Variants in ATP8B3 observed in about 807,000 individuals in gnomAD.
The protein encoded by ATP8B3 is ATPase phospholipid transporting 8B3, also known as phospholipid-transporting ATPase IK.
Under a neutral mutation model 140.9 loss-of-function variants are expected in ATP8B3, and 141 were observed. The ratio of observed to expected loss-of-function variants is 1.00; its 90% CI spans 0.87 to 1.15. The LOEUF is 1.15. Ranked by LOEUF, ATP8B3 falls within the 50% of genes most tolerant of loss-of-function variation. The pLI is 0.00. For synonymous variants in ATP8B3, 765 were observed against 714.6 expected (o/e 1.07, Z -1.13); for missense variants, 1,874 against 1,740.6 (o/e 1.08, Z -1.36).
At position 1,800,483 on chromosome 19, in the gene ATP8B3, G is replaced by A. The variant is rs2145196158; in HGVS notation, c.1153-34C>T. ...CAGACGCGACAGGGTGGGTGAGGGG[G>A]GCGGGGGTCCCCCACTCTGCCATCA... On this transcript the variant is annotated intron_variant, in intron 12 of 28. Transcript: ENST00000310127. The surrounding 1 kb of genome is among the most constrained non-coding windows in gnomAD (Gnocchi z 4.4). The A allele has an allele frequency of 6.6e-7, 1 of 1,513,798 alleles. No homozygotes were observed. Among genetic ancestry groups the A allele is most frequent in the Non-Finnish European group, 9.1e-7 (1 of 1,097,666 alleles). The allele number at this position is 1,513,798 out of a possible 1,614,324, so 93.8% of individuals were successfully genotyped here. A position where few individuals can be genotyped will look rare whatever the true frequency, so the allele number is the denominator to read the frequency against.
intron 10 of ATP8B3, among the ~76,000 whole-genome samples, chr19:1,803,159 C>T (rs2068905905): frequency 6.6e-6 from 1 of 152,136 alleles, no homozygotes; most frequent in South Asian, 2.1e-4. Context: ...ACCACCAGCC[C>T]CCCATTCACC....
At chr19:1,785,746 G>T (rs1354085356) in intron 25 of ATP8B3, 38 bp from the exon 26 acceptor site, 7 of 1,014,116 alleles carry the variant, frequency 6.9e-6, no homozygotes, top group East Asian at 3.8e-5. Context: ...TGGGTGGGGG[G>T]CGGGGGACAC....
At chr19:1,792,549 C>T (rs1331334115) in intron 18 of ATP8B3, among the ~76,000 whole-genome samples, 4 of 143,686 alleles carry the variant, frequency 2.8e-5, no homozygotes. Context: ...CACTGCACTC[C>T]AGCCTGGGCG....
intron 19 of ATP8B3, 69 bp downstream of exon 19, chr19:1,791,932 G>C (rs540027312): frequency 6.3e-6 from 10 of 1,591,508 alleles, no homozygotes; most frequent in Non-Finnish European, 7.7e-6. Flanking sequence ...GGGCAGGAGA[G>C]TCCCAGGGCC....
Position 1,782,347 on chromosome 19 carries a change from CA to C in ATP8B3, c.*680del. 3.4e-6 allele frequency: 1 copy of C among 297,368 alleles called. No homozygotes were observed. The allele number at this position is 297,368 out of a possible 1,614,324, so 18.4% of individuals were successfully genotyped here. A position where few individuals can be genotyped will look rare whatever the true frequency, so the allele number is the denominator to read the frequency against. On this transcript the variant is annotated 3_prime_UTR_variant, in exon 29 of 29. Coordinates refer to ENST00000310127, the MANE Select transcript of ATP8B3 (RefSeq NM_138813.4). ...AGGGCAATGACTGCTCCTCTGGGGG[CA>C]AGGATAGCTGCTCCTCCCCGGGCAC...
At chr19:1,809,833 G>C (rs2069137164) in intron 3 of ATP8B3, 99 bp from the exon 4 acceptor site, 1 of 1,123,836 alleles carries the variant, frequency 8.9e-7, no homozygotes, top group African/African-American at 1.5e-5. Flanking sequence ...TGGGACCCAG[G>C]CACTGGGGAG....
chr19:1,802,691 C>T (rs1291589598), intron 10 of ATP8B3, 46 bp from the exon 11 acceptor site: 1 of 1,575,206 alleles, frequency 6.3e-7, no homozygotes, highest in African/African-American at 1.4e-5. Flanking sequence ...TCAGGCCCTC[C>T]TCCCCAGGTT....
At chr19:1,809,234 G>A (rs1356291561) in intron 4 of ATP8B3, among the ~76,000 whole-genome samples, 1 of 151,606 alleles carries the variant, frequency 6.6e-6, no homozygotes, top group East Asian at 2.0e-4. Flanking sequence ...TGTAATCCCA[G>A]CACTTTGGGA....
At position 1,808,339 on chromosome 19, in the gene ATP8B3, G is replaced by T; in HGVS notation, c.403-4C>A. 6.2e-7 allele frequency: 1 copy of T among 1,608,978 alleles called. No individual in the cohort carries two copies. The highest frequency in any genetic ancestry group is 1.1e-5 in the South Asian group (1 of 90,656). ...TGGCCGTGCGGATGACATTGGTCTG[G>T]AACGAGAGCCGCGGGCTGCCTGGCA... On this transcript the variant is annotated splice_polypyrimidine_tract_variant and splice_region_variant and intron_variant, in intron 4 of 28. Coordinates refer to ENST00000310127, the MANE Select transcript of ATP8B3 (RefSeq NM_138813.4).
rs1303951634 is a variant in ATP8B3, at chr19:1,800,004, T to C, written c.1495A>G (p.Thr499Ala). The C allele has an allele frequency of 6.2e-7, 1 of 1,606,582 alleles. No homozygotes were observed. The highest frequency in any genetic ancestry group is 8.5e-7 in the Non-Finnish European group (1 of 1,176,798). The change falls in exon 14 of 29, where the codon ACG becomes GCG. Residue 499 changes from threonine (T) to alanine (A), a missense_variant. Coordinates refer to ENST00000310127, the MANE Select transcript of ATP8B3 (RefSeq NM_138813.4). The surrounding 1 kb of genome is among the most constrained non-coding windows in gnomAD (Gnocchi z 4.4). ...VEYIFSDKTG[T>A]LTQNILTFNK... ...AAGGTCAAGATGTTCTGCGTGAGCG[T>C]GCCCGTCTTGTCCGAGAAGATGTAT...
In ATP8B3 at chr19:1,806,908, G is replaced by A. The variant is rs1389226567; in HGVS notation, c.616-219C>T. ...ACAGGCGTGCTGCCCACCACCTAGA[G>A]TGCCTGCCAGACCACCCCCCACCAA... On this transcript the variant is annotated intron_variant, in intron 6 of 28. Coordinates refer to ENST00000310127, the MANE Select transcript of ATP8B3 (RefSeq NM_138813.4). This position sits in a 1 kb window ranked among gnomAD's most constrained non-coding sequence, Gnocchi z 5.6. Among the ~76,000 whole-genome samples, 1 of 152,086 alleles carries A rather than the reference G, an allele frequency of 6.6e-6. No individual in the cohort carries two copies. The highest frequency in any genetic ancestry group is 2.4e-5 in the African/African-American group (1 of 41,394).
At chr19:1,784,989 C>T (rs774543871) in intron 27 of ATP8B3, 43 bp from the exon 28 acceptor site, 1 of 1,575,720 alleles carries the variant, frequency 6.3e-7, no homozygotes, top group Non-Finnish European at 8.6e-7. Flanking sequence ...CCCCCAGCTC[C>T]AAGGATGCCC....
intron 25 of ATP8B3, 133 bp downstream of exon 25, chr19:1,786,970 G>A (rs1330829357): frequency 1.2e-5 from 9 of 769,506 alleles, no homozygotes; most frequent in Admixed American, 2.6e-5. Flanking sequence ...GAGAGGTACT[G>A]GACTGCACCC....
chr19:1,783,827 C>A (rs917361402), intron 28 of ATP8B3, among the ~76,000 whole-genome samples: 1 of 151,026 alleles, frequency 6.6e-6, no homozygotes, highest in African/African-American at 2.5e-5. Flanking sequence ...GTTACGTGGG[C>A]TAGTAAGTCC....
In ATP8B3 at chr19:1,784,804, C is replaced by T; in HGVS notation, c.3660+15G>A. ...AATGTACCAGATGAGGACCCCAGGC[C>T]CAGGCCCACCTCACCTTGGCACGTA... On this transcript the variant is annotated intron_variant, in intron 28 of 28. Transcript: ENST00000310127. 6.3e-7 allele frequency: 1 copy of T among 1,587,142 alleles called. No individual in the cohort carries two copies. Among genetic ancestry groups the T allele is most frequent in the Non-Finnish European group, 8.6e-7 (1 of 1,167,400 alleles).
intron 10 of ATP8B3, among the ~76,000 whole-genome samples, chr19:1,804,389 C>G (rs934200228): frequency 3.3e-5 from 5 of 152,260 alleles, no homozygotes; most frequent in African/African-American, 9.6e-5. Flanking sequence ...GCAGGTGGAT[C>G]ACAAGGTCAG....
At chr19:1,803,235 A>G (rs370624089) in intron 10 of ATP8B3, among the ~76,000 whole-genome samples, 2 of 152,076 alleles carry the variant, frequency 1.3e-5, no homozygotes, top group East Asian at 1.9e-4. Context: ...GCATTCAGTG[A>G]GGGTTAAAAT....
In ATP8B3 at chr19:1,805,457, C is replaced by A. The variant is rs866377113; in HGVS notation, c.822-1G>T. On this transcript the variant is annotated splice_acceptor_variant, in intron 9 of 28. Coordinates refer to ENST00000310127, the MANE Select transcript of ATP8B3 (RefSeq NM_138813.4). LOFTEE classifies it high-confidence loss of function. The surrounding 1 kb of genome is among the most constrained non-coding windows in gnomAD (Gnocchi z 5.2). ...CTGTCTGAACTTCAAGTTGGTCTCCCTGGTGACGAGGAGAGGAGGGAGGTG... is the reference window on the plus strand; with the variant it reads ...CTGTCTGAACTTCAAGTTGGTCTCCATGGTGACGAGGAGAGGAGGGAGGTG... 1 of 1,559,576 alleles carries A rather than the reference C, an allele frequency of 6.4e-7. No homozygotes were observed. The highest frequency in any genetic ancestry group is 2.4e-5 in the East Asian group (1 of 42,174).
At position 1,811,654 on chromosome 19, in the gene ATP8B3, G is replaced by A. The variant is rs745536021; in HGVS notation, c.83C>T (p.Thr28Met). Residue 28 changes from threonine to methionine, a missense_variant, in exon 2 of 29, where the codon ACG becomes ATG. Thr to Met is a moderately conservative substitution (Grantham distance 81). This residue lies in a region of ATP8B3 where 1,032 missense variants were observed against 963.6 expected (regional missense o/e 1.07). Transcript: ENST00000310127. Reference protein sequence around the residue: ...PSPAPPGPGDTGDSDVTQEGS... With the variant: ...PSPAPPGPGDMGDSDVTQEGS... Reference sequence around the variant, plus strand: ...TTCCTGAGTCACGTCTGAGTCACCCGTGTCCCCAGGTCCTGGTGGGGCAGG... The same window carrying A: ...TTCCTGAGTCACGTCTGAGTCACCCATGTCCCCAGGTCCTGGTGGGGCAGG... The A allele has an allele frequency of 7.5e-6, 12 of 1,610,550 alleles. No individual in the cohort carries two copies. The highest frequency in any genetic ancestry group is 1.7e-5 in the Admixed American group (1 of 59,968).
Sources: gnomAD v4.1 joint callset for allele counts (sites outside exome capture counted in the v4.1 genomes callset) on GRCh38, gnomAD v4.1.1 for gene constraint, gnomAD v4.1.1 regional missense constraint, Gnocchi (gnomAD v3.1) non-coding constraint, MANE v1.5 for transcripts, NCBI Gene and HGNC (gene_info 2026-07-23, HGNC 2026-07-21) for gene names.